The following POFUT3 variants were observed in gnomAD, a reference collection of about 807,000 sequenced individuals.
POFUT3 encodes GDP-fucose protein O-fucosyltransferase 3.
chr8:33,318,184 G>C, the POFUT3 span, among the ~76,000 whole-genome samples: 1 of 151,898 alleles, frequency 6.6e-6, no homozygotes, highest in African/African-American at 2.4e-5. Context: ...GTGCAGCAAA[G>C]TGCTTAGGCT....
the POFUT3 span, among the ~76,000 whole-genome samples, chr8:33,311,543 C>T: frequency 1.3e-5 from 2 of 152,150 alleles, no homozygotes; most frequent in Non-Finnish European, 1.5e-5. Context: ...TCTAGAGCGC[C>T]TTACCCTCAC....
At chr8:33,327,720 A>G in the POFUT3 span, among the ~76,000 whole-genome samples, 1 of 152,208 alleles carries the variant, frequency 6.6e-6, no homozygotes, top group Admixed American at 6.5e-5. Context: ...GGGTAATGGA[A>G]AACACTGCAC....
chr8:33,411,280 G>A, the POFUT3 span, among the ~76,000 whole-genome samples: 91 of 152,270 alleles, frequency 6.0e-4, no homozygotes, highest in African/African-American at 2.0e-3. Flanking sequence ...CGCTGAAGTC[G>A]TTTTAATCCA....
At chr8:33,412,183 C>T in the POFUT3 span, among the ~76,000 whole-genome samples, 13 of 152,272 alleles carry the variant, frequency 8.5e-5, no homozygotes, top group Middle Eastern at 3.4e-3. Context: ...GTAAAACCCA[C>T]GGGCTTTGAA....
At chr8:33,422,545 C>CA in the POFUT3 span, among the ~76,000 whole-genome samples, 19,874 of 36,952 alleles carry the variant, frequency 0.54, 7,554 homozygotes, top group Non-Finnish European at 0.67. Context: ...AACTCTGTCT[C>CA]AAAAAAAAAA....
At chr8:33,441,690 T>C in the POFUT3 span, among the ~76,000 whole-genome samples, 1 of 152,004 alleles carries the variant, frequency 6.6e-6, no homozygotes, top group Non-Finnish European at 1.5e-5. Flanking sequence ...CTTGTTTTAA[T>C]TTTTGACAGC....
chr8:33,418,523 G>A, the POFUT3 span, among the ~76,000 whole-genome samples: 5 of 150,444 alleles, frequency 3.3e-5, no homozygotes, highest in South Asian at 2.1e-4. Flanking sequence ...GGCTGGTCTC[G>A]AACTCCTGGC....
chr8:33,458,768 G>T, the POFUT3 span, among the ~76,000 whole-genome samples: 2 of 151,992 alleles, frequency 1.3e-5, no homozygotes, highest in African/African-American at 4.8e-5. Flanking sequence ...GAAAGCAGCA[G>T]AAAGCTGAAA....
At chr8:33,335,286 C>T in the POFUT3 span, among the ~76,000 whole-genome samples, 1 of 151,888 alleles carries the variant, frequency 6.6e-6, no homozygotes, top group Admixed American at 6.6e-5. Flanking sequence ...CACAGAATGG[C>T]TATGCTTATT....
chr8:33,309,750 T>C, the POFUT3 span, among the ~76,000 whole-genome samples: 1 of 152,160 alleles, frequency 6.6e-6, no homozygotes, highest in African/African-American at 2.4e-5. Flanking sequence ...AGTTTTGAAA[T>C]TATATTAACC....
chr8:33,403,707 G>A, the POFUT3 span, among the ~76,000 whole-genome samples: 2 of 152,130 alleles, frequency 1.3e-5, no homozygotes, highest in Non-Finnish European at 2.9e-5. Context: ...GCGTGGGAGA[G>A]TGAGAGCCTG....
the POFUT3 span, among the ~76,000 whole-genome samples, chr8:33,345,711 A>G: frequency 6.6e-6 from 1 of 151,972 alleles, no homozygotes; most frequent in Non-Finnish European, 1.5e-5. Context: ...TCCATTTGCA[A>G]GGGATGAAAT....
chr8:33,461,571 T>C, the POFUT3 span: 1 of 1,555,780 alleles, frequency 6.4e-7, no homozygotes, highest in Admixed American at 1.9e-5. Context: ...TTTCCTGCAC[T>C]GCCATTCCTG....
the POFUT3 span, among the ~76,000 whole-genome samples, chr8:33,309,167 AAT>A: frequency 0.045 from 2,429 of 53,622 alleles, 106 homozygotes; most frequent in Non-Finnish European, 0.055. Flanking sequence ...AAAAAAAAAA[AAT>A]ATATATATAT....
the POFUT3 span, among the ~76,000 whole-genome samples, chr8:33,422,731 C>T: frequency 6.6e-6 from 1 of 151,920 alleles, no homozygotes; most frequent in African/African-American, 2.4e-5. Flanking sequence ...TCAATACCTA[C>T]AATAGGGTGG....
chr8:33,451,159 T>C, the POFUT3 span, among the ~76,000 whole-genome samples: 1 of 151,892 alleles, frequency 6.6e-6, no homozygotes, highest in Non-Finnish European at 1.5e-5. Context: ...AGGAGTTTTT[T>C]AGATTTTGGA....
chr8:33,435,409 G>T, the POFUT3 span, among the ~76,000 whole-genome samples: 1 of 151,796 alleles, frequency 6.6e-6, no homozygotes, highest in Non-Finnish European at 1.5e-5. Flanking sequence ...GTAGAGATGG[G>T]GTTTCACCAT....
the POFUT3 span, among the ~76,000 whole-genome samples, chr8:33,429,967 G>C: frequency 6.8e-6 from 1 of 146,218 alleles, no homozygotes; most frequent in Non-Finnish European, 1.5e-5. Flanking sequence ...TTGCACCCTA[G>C]CCTGGATGAC....
At chr8:33,414,591 T>C in the POFUT3 span, among the ~76,000 whole-genome samples, 9 of 140,570 alleles carry the variant, frequency 6.4e-5, no homozygotes, top group African/African-American at 2.2e-4. Flanking sequence ...ACCATGGCTT[T>C]TTCCCCCTAT....
Sources: allele counts gnomAD v4.1 joint callset (sites outside exome capture counted in the v4.1 genomes callset), GRCh38; gene constraint gnomAD v4.1.1; transcripts MANE v1.5; gene names NCBI Gene and HGNC (gene_info 2026-07-23, HGNC 2026-07-21).